Variants in ANO6 observed in about 807,000 individuals in gnomAD.
The protein encoded by ANO6 is anoctamin-6.
ANO6 carries 106 observed loss-of-function variants against 117.5 expected under a neutral mutation model. The ratio of observed to expected loss-of-function variants is 0.90; its 90% CI spans 0.77 to 1.06. The LOEUF (loss-of-function observed/expected upper bound fraction) is 1.06. Ranked by LOEUF, ANO6 falls within the 50% of genes least tolerant of loss-of-function variation. ANO6 has a pLI of 0.00. For synonymous variants in ANO6, 367 were observed against 385.1 expected (o/e 0.95, Z 0.55); for missense variants, 955 against 1,121.1 (o/e 0.85, Z 2.12).
At chr12:45,417,258 C>A (rs969004248) in intron 17 of ANO6, among the ~76,000 whole-genome samples, 1 of 152,056 alleles carries the variant, frequency 6.6e-6, no homozygotes, top group African/African-American at 2.4e-5. Context: ...GAAATCTGTT[C>A]ATTTAGAGTT....
At chr12:45,380,103 G>A (rs564953452) in intron 10 of ANO6, among the ~76,000 whole-genome samples, 1 of 152,222 alleles carries the variant, frequency 6.6e-6, no homozygotes, top group East Asian at 1.9e-4. Flanking sequence ...TAGAAATTAT[G>A]AAAGTTGAGA....
chr12:45,290,990 C>T (rs535742774), intron 1 of ANO6, among the ~76,000 whole-genome samples: 6 of 152,234 alleles, frequency 3.9e-5, no homozygotes, highest in Admixed American at 2.0e-4. Context: ...ACCCACATGT[C>T]AATGGCCCAA....
chr12:45,217,609 T>C (rs1308818604), intron 1 of ANO6, among the ~76,000 whole-genome samples: 1 of 152,186 alleles, frequency 6.6e-6, no homozygotes, highest in African/African-American at 2.4e-5. Context: ...TAGTAGTAGT[T>C]TTTATAGGAG....
At chr12:45,390,341 A>T (rs751868056) in intron 11 of ANO6, 80 bp from the exon 12 acceptor site, 4 of 1,138,222 alleles carry the variant, frequency 3.5e-6, no homozygotes, top group Non-Finnish European at 5.3e-6. Context: ...TAATTCTAAG[A>T]TTTATTGGCG....
At chr12:45,427,410 A>T (rs1462368977) in intron 19 of ANO6, among the ~76,000 whole-genome samples, 2 of 151,966 alleles carry the variant, frequency 1.3e-5, no homozygotes, top group African/African-American at 4.8e-5. Context: ...GGCTCCTCCA[A>T]ACCAGCTCTG....
intron 1 of ANO6, among the ~76,000 whole-genome samples, chr12:45,217,653 C>A (rs978533025): frequency 6.6e-6 from 1 of 152,200 alleles, no homozygotes; most frequent in Non-Finnish European, 1.5e-5. Context: ...GTCTGCCCAG[C>A]TTCTCACACT....
At chr12:45,384,741 A>C (rs1942251997) in intron 10 of ANO6, among the ~76,000 whole-genome samples, 1 of 152,216 alleles carries the variant, frequency 6.6e-6, no homozygotes, top group Non-Finnish European at 1.5e-5. Context: ...CCACTATAAA[A>C]GATACAATAA....
intron 1 of ANO6, among the ~76,000 whole-genome samples, chr12:45,226,144 T>C (rs1947479758): frequency 6.6e-6 from 1 of 152,178 alleles, no homozygotes; most frequent in Admixed American, 6.6e-5. Context: ...TCAAATACTG[T>C]TCAGCCAAAA....
chr12:45,238,126 A>T (rs1947675896), intron 1 of ANO6, among the ~76,000 whole-genome samples: 1 of 150,528 alleles, frequency 6.6e-6, no homozygotes, highest in Admixed American at 6.6e-5. Context: ...TTGGGCTGAG[A>T]TGATGGGGTT....
In ANO6 at chr12:45,384,581, A is replaced by G. The variant is rs1283193549; in HGVS notation, c.1166-3580A>G. Among the ~76,000 whole-genome samples the G allele has an allele frequency of 2.0e-5, 3 of 152,354 alleles. No individual in the cohort carries two copies. The East Asian group carries it at 5.8e-4, about 29-fold the overall frequency. On this transcript the variant is annotated intron_variant, in intron 10 of 19. Coordinates refer to ENST00000320560, the MANE Select transcript of ANO6 (RefSeq NM_001025356.3). ...TTGCATCTCAAAGAATAGAGAGGCCAGAAGAGAGGCAGAGAGATGGGGAAG... is the reference window on the plus strand; with the variant it reads ...TTGCATCTCAAAGAATAGAGAGGCCGGAAGAGAGGCAGAGAGATGGGGAAG...
At chr12:45,324,984 C>A (rs1446102277) in intron 2 of ANO6, among the ~76,000 whole-genome samples, 1 of 152,078 alleles carries the variant, frequency 6.6e-6, no homozygotes, top group Non-Finnish European at 1.5e-5. Context: ...ATTTGTGAGT[C>A]GTGACCAGTT....
At chr12:45,318,522 T>G (rs1940133947) in intron 2 of ANO6, among the ~76,000 whole-genome samples, 1 of 152,232 alleles carries the variant, frequency 6.6e-6, no homozygotes, top group Admixed American at 6.5e-5. Context: ...TTTTGATTAC[T>G]GTAGCCTTGT....
At chr12:45,227,564 C>T (rs771023705) in intron 1 of ANO6, among the ~76,000 whole-genome samples, 39 of 152,154 alleles carry the variant, frequency 2.6e-4, no homozygotes, top group Middle Eastern at 3.4e-3. Context: ...GCCCTTTTCA[C>T]TTAGACACTT....
At chr12:45,275,067 C>T (rs543845145) in intron 1 of ANO6, among the ~76,000 whole-genome samples, 55 of 151,758 alleles carry the variant, frequency 3.6e-4, no homozygotes, top group Non-Finnish European at 6.6e-4. Flanking sequence ...TCCTGGTGCT[C>T]GATAAGTTGT....
At chr12:45,305,152 G>A (rs1764756924) in intron 2 of ANO6, among the ~76,000 whole-genome samples, 1 of 152,142 alleles carries the variant, frequency 6.6e-6, no homozygotes, top group Non-Finnish European at 1.5e-5. Flanking sequence ...CTACCCCAAA[G>A]CTTAGGAGCT....
chr12:45,402,118 T>A (rs1355655476), intron 13 of ANO6, 98 bp downstream of exon 13: 1 of 1,037,018 alleles, frequency 9.6e-7, no homozygotes, highest in East Asian at 2.5e-5. Flanking sequence ...TCCAGTAGGT[T>A]ACAATTTTTA....
intron 2 of ANO6, among the ~76,000 whole-genome samples, chr12:45,322,968 T>C (rs962928996): frequency 3.9e-5 from 6 of 152,198 alleles, no homozygotes; most frequent in African/African-American, 1.4e-4. Context: ...GCCAAGAGGC[T>C]TTGTGCCAGT....
chr12:45,365,149 G>A, intron 8 of ANO6, among the ~76,000 whole-genome samples: 1 of 152,222 alleles, frequency 6.6e-6, no homozygotes, highest in Non-Finnish European at 1.5e-5. Context: ...GTGTGTGAGT[G>A]TGTATTGAGG....
rs765470768 is a variant in ANO6, at chr12:45,416,732, C to G, written c.2045C>G (p.Ala682Gly). ...IQFGFVTLFV[A>G]SFPLAPLLAL... ...TTTGGGTTCGTCACCTTATTTGTGG[C>G]CTCTTTTCCACTGGCCCCTCTGTTG... The change falls in exon 17 of 20, where the codon GCC becomes GGC. Residue 682 changes from alanine (A) to glycine (G), a missense_variant. By Grantham distance (60) the Ala-to-Gly change is moderately conservative. Transcript: ENST00000320560. 2 of 1,614,004 alleles carry G rather than the reference C, an allele frequency of 1.2e-6. No homozygotes were observed. The highest frequency in any genetic ancestry group is 4.5e-5 in the East Asian group (2 of 44,896).
Sources: allele counts gnomAD v4.1 joint callset (sites outside exome capture counted in the v4.1 genomes callset), GRCh38; gene constraint gnomAD v4.1.1; transcripts MANE v1.5; gene names NCBI Gene and HGNC (gene_info 2026-07-23, HGNC 2026-07-21).